The following DNAH17 variants were observed in gnomAD, a reference collection of about 807,000 sequenced individuals.
DNAH17 encodes the protein dynein axonemal heavy chain 17, also known as axonemal beta dynein heavy chain 17.
In DNAH17, 376 loss-of-function variants were observed where a neutral mutation model predicts 485.6. The observed-to-expected ratio is 0.77, with a 90% CI of 0.71 to 0.84. The LOEUF (loss-of-function observed/expected upper bound fraction) is 0.84. Ranked by LOEUF, DNAH17 falls within the 40% of genes least tolerant of loss-of-function variation. DNAH17 has a pLI of 0.00. For synonymous variants in DNAH17, 3,031 were observed against 2,405.9 expected (o/e 1.26, Z -7.60); for missense variants, 6,370 against 5,839.3 (o/e 1.09, Z -2.96).
chr17:78,433,652 ACT>A, intron 75 of DNAH17, among the ~76,000 whole-genome samples: 1 of 152,022 alleles, frequency 6.6e-6, no homozygotes, highest in East Asian at 1.9e-4. Flanking sequence ...TGTCCTCCCC[ACT>A]GAGTCCCAGC....
intron 14 of DNAH17, among the ~76,000 whole-genome samples, chr17:78,553,404 C>G (rs1328793311): frequency 1.4e-5 from 2 of 142,550 alleles, no homozygotes; most frequent in South Asian, 4.6e-4. Context: ...CGGGTTCAAG[C>G]AATTCTCCTG....
chr17:78,446,380 G>A (rs1019032374), intron 69 of DNAH17, among the ~76,000 whole-genome samples: 17 of 151,922 alleles, frequency 1.1e-4, no homozygotes, highest in Non-Finnish European at 2.1e-4. Flanking sequence ...GCCTAGGGAT[G>A]CCCCTGTTGT....
chr17:78,531,762 C>T (rs1439113994), intron 20 of DNAH17, among the ~76,000 whole-genome samples: 2 of 152,206 alleles, frequency 1.3e-5, no homozygotes, highest in African/African-American at 4.8e-5. Context: ...AAGTGAGTTT[C>T]TTCTAAGCAG....
chr17:78,533,886 G>A (rs1168334526), intron 19 of DNAH17, among the ~76,000 whole-genome samples: 5 of 152,090 alleles, frequency 3.3e-5, no homozygotes, highest in Non-Finnish European at 5.9e-5. Context: ...GGGTTTCACC[G>A]TGTTGGTCAG....
At chr17:78,552,610 G>T (rs1478686137) in intron 15 of DNAH17, 87 bp downstream of exon 15, 6 of 882,960 alleles carry the variant, frequency 6.8e-6, no homozygotes, top group African/African-American at 6.6e-5. Flanking sequence ...AGGCAGAAGT[G>T]ACCACTCTAG....
rs1568117026 is a variant in DNAH17, at chr17:78,477,947, ATT to A, written c.7992+1076_7992+1077del. On this transcript the variant is annotated intron_variant, in intron 51 of 80. Coordinates refer to ENST00000389840, the MANE Select transcript of DNAH17 (RefSeq NM_173628.4). ...CACCACCATCATCACCACCATCACC[ATT>A]ATCATCTCCACCATCACCACCACCA... 2.8e-3 allele frequency among the ~76,000 whole-genome samples: 400 copies of A among 143,894 alleles called. 6 individuals are homozygous for A. The highest frequency in any genetic ancestry group is 0.01 in the African/African-American group (366 of 35,272). The allele number at this position is 143,894 out of a possible 152,430, so 94.4% of individuals were successfully genotyped here. A position where few individuals can be genotyped will look rare whatever the true frequency, so the allele number is the denominator to read the frequency against.
At chr17:78,456,601 G>A (rs1007112069) in intron 62 of DNAH17, among the ~76,000 whole-genome samples, 2 of 152,186 alleles carry the variant, frequency 1.3e-5, no homozygotes, top group South Asian at 2.1e-4. Flanking sequence ...GATGCGCCTC[G>A]TGCTTCTCGG....
At chr17:78,460,585 T>C (rs1167274129) in intron 58 of DNAH17, among the ~76,000 whole-genome samples, 2 of 152,206 alleles carry the variant, frequency 1.3e-5, no homozygotes, top group African/African-American at 4.8e-5. Context: ...GTGTGTGTGC[T>C]TGGCCCCTGT....
intron 26 of DNAH17, among the ~76,000 whole-genome samples, chr17:78,513,838 T>C (rs2090703351): frequency 6.6e-6 from 1 of 152,198 alleles, no homozygotes; most frequent in Non-Finnish European, 1.5e-5. Context: ...TCTGCTGTAA[T>C]TGTCAGTACT....
At position 78,549,333 on chromosome 17, in the gene DNAH17, G is replaced by A. The variant is rs535339496; in HGVS notation, c.2391+2202C>T. Reference sequence around the variant, plus strand: ...CGAGAAGGCAGCCGTCTGCACACCAGGAAGAGGGCCCTCACCAGGAACTCA... The same window carrying A: ...CGAGAAGGCAGCCGTCTGCACACCAAGAAGAGGGCCCTCACCAGGAACTCA... On this transcript the variant is annotated intron_variant, in intron 16 of 80. Transcript: ENST00000389840. 2.0e-5 allele frequency among the ~76,000 whole-genome samples: 3 copies of A among 152,274 alleles called. No homozygotes were observed. The South Asian group carries it at 6.2e-4, about 32-fold the overall frequency.
chr17:78,553,269 T>TC (rs1290489856), intron 14 of DNAH17, among the ~76,000 whole-genome samples: 3 of 139,140 alleles, frequency 2.2e-5, no homozygotes, highest in African/African-American at 5.4e-5. Flanking sequence ...AATTACCCAG[T>TC]CCCAGGTTTT....
rs556059240 is a variant in DNAH17, at chr17:78,539,905, G to C, written c.2533-25C>G. The C allele has an allele frequency of 1.5e-5, 23 of 1,541,898 alleles. No homozygotes were observed. The Admixed American group carries it at 4.1e-4, about 28-fold the overall frequency. ...CCTGCAAACAGAAGCGCACAGTTGG[G>C]CCTCACTTCACTGGCTGTGCTTGCT... On this transcript the variant is annotated intron_variant, in intron 17 of 80. Transcript: ENST00000389840.
intron 11 of DNAH17, among the ~76,000 whole-genome samples, chr17:78,563,979 ATCTT>A (rs972897458): frequency 1.3e-5 from 2 of 152,012 alleles, no homozygotes; most frequent in African/African-American, 2.4e-5. Context: ...TTAAAAAGAG[ATCTT>A]TCTTTTAGAG....
chr17:78,527,533 T>G (rs1368867883), intron 22 of DNAH17, among the ~76,000 whole-genome samples: 1 of 151,214 alleles, frequency 6.6e-6, no homozygotes, highest in Non-Finnish European at 1.5e-5. Context: ...GGGTGTGGTC[T>G]CCCATGCAAT....
At chr17:78,552,375 G>A (rs1410116805) in intron 15 of DNAH17, among the ~76,000 whole-genome samples, 1 of 152,200 alleles carries the variant, frequency 6.6e-6, no homozygotes, top group Admixed American at 6.6e-5. Context: ...CTCACCAGCT[G>A]TGCATGCTCT....
At chr17:78,554,468 A>AAAAAAAAAAT (rs2091977226) in intron 14 of DNAH17, among the ~76,000 whole-genome samples, 1 of 119,588 alleles carries the variant, frequency 8.4e-6, no homozygotes, top group Non-Finnish European at 1.7e-5. Context: ...AAAAAAAAAA[A>AAAAAAAAAAT]AAAGGATAGG....
Position 78,434,010 on chromosome 17 carries a change from G to C in DNAH17, c.12225+19C>G. ...GAGGGAGGGATATGTCCAAGTACAG[G>C]GCACACACAGCCCCTCACCTTGGGG... On this transcript the variant is annotated intron_variant, in intron 75 of 80. Transcript: ENST00000389840. 3 of 1,510,046 alleles carry C rather than the reference G, an allele frequency of 2.0e-6. No individual in the cohort carries two copies. The highest frequency in any genetic ancestry group is 3.5e-4 in the Middle Eastern group (2 of 5,680). 93.5% of individuals were successfully genotyped at this position (1,510,046 alleles called of 1,614,324 possible). A position where few individuals can be genotyped will look rare whatever the true frequency, so the allele number is the denominator to read the frequency against.
Position 78,437,751 on chromosome 17 carries a change from CGGGGCTG to C in DNAH17, c.11916_11922del (p.Ser3973ArgfsTer190), listed in dbSNP as rs748964808. The C allele has an allele frequency of 2.0e-5, 33 of 1,612,428 alleles. No individual in the cohort carries two copies. The highest frequency in any genetic ancestry group is 2.7e-5 in the African/African-American group (2 of 74,918). ...ATGCCCTGGGGGATGATGTGGGTCT[CGGGGCTG>C]GGGGCAGGCTCCGCGCTGATGAACA... On this transcript the variant is annotated frameshift_variant, in exon 74 of 81. Coordinates refer to ENST00000389840, the MANE Select transcript of DNAH17 (RefSeq NM_173628.4). LOFTEE classifies it high-confidence loss of function.
intron 14 of DNAH17, among the ~76,000 whole-genome samples, chr17:78,555,628 G>A (rs1170945784): frequency 6.7e-6 from 1 of 150,122 alleles, no homozygotes; most frequent in Non-Finnish European, 1.5e-5. Context: ...TTGGAGTGAT[G>A]TGCTTCGAAC....
Sources: allele counts gnomAD v4.1 joint callset (sites outside exome capture counted in the v4.1 genomes callset), GRCh38; gene constraint gnomAD v4.1.1; transcripts MANE v1.5; gene names NCBI Gene and HGNC (gene_info 2026-07-23, HGNC 2026-07-21).